Variants in DNAH12 observed in about 807,000 individuals in gnomAD.
DNAH12 encodes the protein axonemal beta dynein heavy chain 12.
A neutral mutation model predicts 371.5 loss-of-function variants in DNAH12; 285 were observed. The observed-to-expected ratio is 0.77, with a 90% CI of 0.70 to 0.85. The LOEUF is 0.85. DNAH12 is among the 40% of genes least tolerant of loss of function. The probability of loss-of-function intolerance (pLI) is 0.00; values close to 1 mark genes in which losing one functional copy is unlikely to be tolerated. For synonymous variants in DNAH12, 1,200 were observed against 1,213.0 expected, an observed-to-expected ratio of 0.99 and a Z score of 0.22; for missense variants, 3,611 against 3,689.4, an observed-to-expected ratio of 0.98 and a Z score of 0.55.
intron 60 of DNAH12, among the ~76,000 whole-genome samples, chr3:57,338,004 G>A (rs552438541): frequency 2.0e-4 from 30 of 152,140 alleles, no homozygotes; most frequent in East Asian, 5.8e-4. Flanking sequence ...AAATTGTTTC[G>A]CTCTCCCTCT....
At chr3:57,341,525 A>G (rs1397076434) in intron 60 of DNAH12, among the ~76,000 whole-genome samples, 2 of 152,156 alleles carry the variant, frequency 1.3e-5, no homozygotes, top group African/African-American at 4.8e-5. Context: ...AATACCTAGG[A>G]ATAAATTTAA....
At chr3:57,433,960 A>G (rs2065039496) in intron 30 of DNAH12, 132 bp from the exon 31 acceptor site, 3 of 749,048 alleles carry the variant, frequency 4.0e-6, no homozygotes, top group African/African-American at 1.8e-5. Flanking sequence ...TTTCTCAGAC[A>G]TGAAGAAAAC....
At chr3:57,551,485 A>T in the DNAH12 span, among the ~76,000 whole-genome samples, 1 of 151,580 alleles carries the variant, frequency 6.6e-6, no homozygotes, top group Non-Finnish European at 1.5e-5. Context: ...GTTAGCCAGG[A>T]TGGTCTCAAT....
intron 70 of DNAH12, among the ~76,000 whole-genome samples, chr3:57,299,851 A>G (rs1161896456): frequency 1.3e-5 from 2 of 152,174 alleles, no homozygotes; most frequent in African/African-American, 4.8e-5. Context: ...GCTTTTTTAT[A>G]GCAGCCTGAA....
chr3:57,300,149 A>G (rs779177229), intron 70 of DNAH12, among the ~76,000 whole-genome samples: 6 of 152,152 alleles, frequency 3.9e-5, no homozygotes, highest in Non-Finnish European at 7.3e-5. Context: ...TGCCCACTGC[A>G]CTGTTTCAAT....
chr3:57,448,357 T>TC (rs1307511918), intron 25 of DNAH12, among the ~76,000 whole-genome samples: 2 of 152,032 alleles, frequency 1.3e-5, no homozygotes, highest in Admixed American at 6.5e-5. Context: ...TGTTCATTCC[T>TC]CCTGGTGGGC....
chr3:57,431,031 A>G (rs1231471560), intron 32 of DNAH12, among the ~76,000 whole-genome samples: 4 of 152,208 alleles, frequency 2.6e-5, no homozygotes, highest in African/African-American at 9.7e-5. Context: ...CTCAGAGAAC[A>G]CAGATAGTTG....
At chr3:57,470,175 C>A (rs978880004) in intron 16 of DNAH12, among the ~76,000 whole-genome samples, 4 of 151,692 alleles carry the variant, frequency 2.6e-5, no homozygotes, top group Non-Finnish European at 5.9e-5. Flanking sequence ...GACATTGTAA[C>A]AACGTTTGAG....
intron 2 of DNAH12, among the ~76,000 whole-genome samples, chr3:57,529,875 A>G (rs1408257780): frequency 1.3e-5 from 2 of 152,060 alleles, no homozygotes; most frequent in African/African-American, 4.8e-5. Context: ...ACTTATAGCT[A>G]TAAATTTCTC....
chr3:57,438,066 T>C (rs2065184193), intron 29 of DNAH12, among the ~76,000 whole-genome samples: 1 of 152,158 alleles, frequency 6.6e-6, no homozygotes, highest in Non-Finnish European at 1.5e-5. Context: ...CCCAGCACTT[T>C]GGGAGGCCAA....
intron 66 of DNAH12, among the ~76,000 whole-genome samples, chr3:57,312,738 C>T (rs764636378): frequency 2.4e-4 from 37 of 152,238 alleles, no homozygotes; most frequent in African/African-American, 6.5e-4. Flanking sequence ...AAATTGGTCT[C>T]GAAAACCAAT....
At chr3:57,298,276 T>A (rs1432008620) in intron 70 of DNAH12, among the ~76,000 whole-genome samples, 1 of 152,120 alleles carries the variant, frequency 6.6e-6, no homozygotes, top group Non-Finnish European at 1.5e-5. Context: ...TGTGACCCAA[T>A]CAAAGCCAGA....
chr3:57,322,990 T>C lies in DNAH12; in HGVS notation c.10383+17A>G, dbSNP rs2061842721. The C allele has an allele frequency of 6.4e-7, 1 of 1,550,590 alleles. No homozygotes were observed. Among genetic ancestry groups the C allele is most frequent in the Non-Finnish European group, 8.7e-7 (1 of 1,146,550 alleles). The stretch of plus-strand genomic sequence containing the variant: ...AGCTAAGTAAATGTACTTAACTCTA[T>C]AAGGAAATAAACATACTTTTGAAGA... On this transcript the variant is annotated intron_variant, in intron 64 of 73. Transcript: ENST00000495027.
intron 45 of DNAH12, among the ~76,000 whole-genome samples, chr3:57,390,969 C>A (rs2063610583): frequency 6.6e-6 from 1 of 152,192 alleles, no homozygotes; most frequent in African/African-American, 2.4e-5. Flanking sequence ...TCCAACTCAA[C>A]TGCTGCTGCC....
At chr3:57,407,520 T>G (rs1366364234) in intron 40 of DNAH12, among the ~76,000 whole-genome samples, 2 of 152,206 alleles carry the variant, frequency 1.3e-5, no homozygotes, top group African/African-American at 4.8e-5. Context: ...AGAAGATTGA[T>G]GTTCTTGGAA....
chr3:57,406,059 T>C (rs2064015465), intron 40 of DNAH12, 107 bp from the exon 41 acceptor site: 1 of 1,260,478 alleles, frequency 7.9e-7, no homozygotes, highest in Non-Finnish European at 1.1e-6. Flanking sequence ...TGTCAGATTA[T>C]ATGGGCTTGG....
chr3:57,348,459 A>T (rs918674700), intron 60 of DNAH12, among the ~76,000 whole-genome samples: 55 of 152,290 alleles, frequency 3.6e-4, no homozygotes, highest in African/African-American at 1.3e-3. Context: ...TAGGTGTATA[A>T]TACCCAGAGT....
chr3:57,310,515 A>G (rs1313478987), intron 67 of DNAH12, among the ~76,000 whole-genome samples: 1 of 152,198 alleles, frequency 6.6e-6, no homozygotes, highest in Non-Finnish European at 1.5e-5. Flanking sequence ...ACATGTGCAG[A>G]CCAAAAAAGG....
At chr3:57,306,550 C>A (rs1262496471) in intron 69 of DNAH12, among the ~76,000 whole-genome samples, 1 of 152,096 alleles carries the variant, frequency 6.6e-6, no homozygotes, top group African/African-American at 2.4e-5. Context: ...CACATCCTCC[C>A]CTTGTATCTC....
Sources: allele counts gnomAD v4.1 joint callset (sites outside exome capture counted in the v4.1 genomes callset), GRCh38; gene constraint gnomAD v4.1.1; transcripts MANE v1.5; gene names NCBI Gene and HGNC (gene_info 2026-07-23, HGNC 2026-07-21).